Variants in ANKRD26 observed in about 807,000 individuals in gnomAD.
The protein encoded by ANKRD26 is ankyrin repeat domain-containing protein 26.
ANKRD26 carries 141 observed loss-of-function variants against 208.7 expected under a neutral mutation model. That is an observed-to-expected ratio of 0.68 (90% CI 0.59 to 0.78). The LOEUF is 0.78. Among genes scored for constraint, ANKRD26 ranks in the 30% least tolerant of loss-of-function variants. The pLI is 0.00. For missense variants in ANKRD26, 1,889 were observed against 1,938.7 expected (o/e 0.97, Z 0.48); for synonymous variants, 636 against 660.4 (o/e 0.96, Z 0.57).
At chr10:27,097,750 C>T (rs141637964) in intron 1 of ANKRD26, among the ~76,000 whole-genome samples, 112 of 152,090 alleles carry the variant, frequency 7.4e-4, no homozygotes, top group South Asian at 4.4e-3. Context: ...CCCAGGTGCA[C>T]GCTATTCTAC....
At chr10:27,039,389 G>A (rs2054152539) in intron 21 of ANKRD26, among the ~76,000 whole-genome samples, 1 of 151,676 alleles carries the variant, frequency 6.6e-6, no homozygotes, top group Non-Finnish European at 1.5e-5. Context: ...GGGAGGCGGA[G>A]GTTACAGTGA....
At chr10:27,062,395 T>C (rs78955280) in intron 12 of ANKRD26, 2 of 242,944 alleles carry the variant, frequency 8.2e-6, no homozygotes, top group Non-Finnish European at 1.3e-5. Flanking sequence ...TTACTCAGAG[T>C]GTGGTCCAAG....
intron 17 of ANKRD26, among the ~76,000 whole-genome samples, chr10:27,048,538 A>G (rs1437801078): frequency 6.6e-6 from 1 of 152,132 alleles, no homozygotes; most frequent in East Asian, 1.9e-4. Flanking sequence ...GGATTTACCA[A>G]TTTCATTTAC....
At chr10:26,972,955 AGTCTAGC>A (rs906570672), downstream of ANKRD26, among the ~76,000 whole-genome samples, 55 of 152,264 alleles carry the variant, frequency 3.6e-4, no homozygotes, top group African/African-American at 1.3e-3. Flanking sequence ...TCAAACAAAA[AGTCTAGC>A]TTCTGACTCC....
At chr10:27,021,749 T>C (rs556809404) in intron 29 of ANKRD26, among the ~76,000 whole-genome samples, 88 of 152,356 alleles carry the variant, frequency 5.8e-4, no homozygotes, top group African/African-American at 2.0e-3. Context: ...CTGGCTAGTA[T>C]GAGATGGTAT....
At chr10:27,047,798 C>T (rs1174585500) in intron 17 of ANKRD26, among the ~76,000 whole-genome samples, 2 of 151,258 alleles carry the variant, frequency 1.3e-5, no homozygotes, top group Non-Finnish European at 2.9e-5. Context: ...GTTTGGAGTG[C>T]AGTGGCACAA....
chr10:27,011,849 T>G (rs2134884061), intron 32 of ANKRD26, among the ~76,000 whole-genome samples: 1 of 152,308 alleles, frequency 6.6e-6, no homozygotes, highest in East Asian at 1.9e-4. Flanking sequence ...CATCAATCAT[T>G]CAAGTAATGG....
intron 24 of ANKRD26, among the ~76,000 whole-genome samples, chr10:27,033,949 C>T (rs561696220): frequency 6.6e-6 from 1 of 152,176 alleles, no homozygotes; most frequent in Admixed American, 6.5e-5. Context: ...CCTGCCACCC[C>T]TCATTAGTGT....
chr10:26,960,487 G>A, the ANKRD26 span, among the ~76,000 whole-genome samples: 3 of 152,088 alleles, frequency 2.0e-5, no homozygotes, highest in Non-Finnish European at 4.4e-5. Flanking sequence ...AACACCACCC[G>A]ACACCCAGTC....
intron 9 of ANKRD26, among the ~76,000 whole-genome samples, chr10:27,074,449 G>C (rs1214477555): frequency 2.0e-5 from 3 of 152,244 alleles, no homozygotes; most frequent in Non-Finnish European, 4.4e-5. Context: ...GGGAGGCCAA[G>C]GTGGGTGGAT....
chr10:27,081,793 A>G (rs891577369), intron 6 of ANKRD26, among the ~76,000 whole-genome samples: 1 of 151,824 alleles, frequency 6.6e-6, no homozygotes, highest in African/African-American at 2.4e-5. Context: ...GCTGGAGTGC[A>G]GTGGCGCAAT....
At chr10:27,056,887 T>G (rs1001537127) in intron 15 of ANKRD26, among the ~76,000 whole-genome samples, 3 of 152,234 alleles carry the variant, frequency 2.0e-5, no homozygotes, top group African/African-American at 7.2e-5. Context: ...TGCTTTTTGT[T>G]TTCTGGTAGC....
chr10:27,075,270 T>C (rs748239033), intron 9 of ANKRD26, among the ~76,000 whole-genome samples: 3 of 152,210 alleles, frequency 2.0e-5, no homozygotes, highest in African/African-American at 4.8e-5. Context: ...ATGGTCTAAA[T>C]GCTCCACTTA....
intron 28 of ANKRD26, among the ~76,000 whole-genome samples, chr10:27,023,845 A>G (rs543947645): frequency 6.6e-6 from 1 of 152,258 alleles, no homozygotes; most frequent in East Asian, 1.9e-4. Context: ...TCACTCTTAA[A>G]TCATACATAC....
chr10:26,974,767 T>TA (rs1346069656), exon 6 of ANKRD26, among the ~76,000 whole-genome samples: 1 of 152,250 alleles, frequency 6.6e-6, no homozygotes, highest in Non-Finnish European at 1.5e-5. Flanking sequence ...TCATAGAAGG[T>TA]ACGCTCTCTG....
chr10:26,999,370 C>T (rs1306257264), downstream of ANKRD26, among the ~76,000 whole-genome samples: 10 of 152,148 alleles, frequency 6.6e-5, no homozygotes, highest in Non-Finnish European at 7.3e-5. Context: ...ATGTAGAGGC[C>T]TCGTTTCCTA....
At position 27,017,937 on chromosome 10, in the gene ANKRD26, TA is replaced by T. The variant is rs1380258262; in HGVS notation, c.4216-146del. On this transcript the variant is annotated intron_variant, in intron 29 of 33. Transcript: ENST00000376087. ...AAAAGATTCTTCAAATGTGGACCCT[TA>T]AATTACCCAGAAAATCAAGAACAAA... The T allele has an allele frequency of 5.2e-6, 4 of 770,492 alleles. No individual in the cohort carries two copies. The African/African-American group carries it at 7.0e-5, about 14-fold the overall frequency. The allele number at this position is 770,492 out of a possible 1,614,324, so 47.7% of individuals were successfully genotyped here.
chr10:27,044,493 A>T (rs1006356460), intron 18 of ANKRD26, among the ~76,000 whole-genome samples: 1 of 152,070 alleles, frequency 6.6e-6, no homozygotes, highest in Non-Finnish European at 1.5e-5. Flanking sequence ...TGTTACTTGC[A>T]TTATTCAATA....
At chr10:27,039,653 T>C (rs1051461222) in intron 21 of ANKRD26, among the ~76,000 whole-genome samples, 2 of 152,224 alleles carry the variant, frequency 1.3e-5, no homozygotes, top group South Asian at 4.1e-4. Context: ...TAGAAAAAGA[T>C]TTATAAAAAG....
Sources: allele counts gnomAD v4.1 joint callset (sites outside exome capture counted in the v4.1 genomes callset), GRCh38; gene constraint gnomAD v4.1.1; transcripts MANE v1.5; gene names NCBI Gene and HGNC (gene_info 2026-07-23, HGNC 2026-07-21).